The following UTRN variants were observed in gnomAD, a reference collection of about 807,000 sequenced individuals.
UTRN encodes the protein utrophin, also known as dystrophin-related protein 1.
UTRN carries 283 observed loss-of-function variants against 463.9 expected under a neutral mutation model. The ratio of observed to expected loss-of-function variants is 0.61; its 90% CI spans 0.55 to 0.67. The LOEUF (loss-of-function observed/expected upper bound fraction) is 0.67, where lower values mean the gene tolerates loss of function less well. Ranked by LOEUF, UTRN falls within the 30% of genes least tolerant of loss-of-function variation. The pLI, the probability that UTRN is intolerant of heterozygous loss-of-function variation, is 0.00. For synonymous variants in UTRN, 1,442 were observed against 1,431.5 expected, an observed-to-expected ratio of 1.01 and a Z score of -0.17; for missense variants, 3,922 against 4,084.3, an observed-to-expected ratio of 0.96 and a Z score of 1.08.
intron 2 of UTRN, among the ~76,000 whole-genome samples, chr6:144,300,038 C>T (rs191377997): frequency 1.3e-5 from 2 of 151,268 alleles, no homozygotes; most frequent in East Asian, 1.9e-4. Flanking sequence ...CATAGACCAC[C>T]GTAGCATTTT....
intron 25 of UTRN, among the ~76,000 whole-genome samples, chr6:144,477,558 A>ACACG (rs1015482173): frequency 6.6e-6 from 1 of 151,484 alleles, no homozygotes; most frequent in African/African-American, 2.4e-5. Flanking sequence ...ACACACACAC[A>ACACG]CACGCACACA....
chr6:144,693,055 G>C (rs1465256415), intron 52 of UTRN, among the ~76,000 whole-genome samples: 3 of 151,334 alleles, frequency 2.0e-5, no homozygotes, highest in Non-Finnish European at 4.4e-5. Context: ...AATCCATTTT[G>C]AGTTTATTTT....
intron 51 of UTRN, among the ~76,000 whole-genome samples, chr6:144,600,557 A>G (rs555710385): frequency 2.0e-5 from 3 of 152,374 alleles, no homozygotes; most frequent in Non-Finnish European, 2.9e-5. Context: ...CTTCAATTCT[A>G]TGAAGGCTGA....
At chr6:144,644,539 T>C (rs553636784) in intron 51 of UTRN, among the ~76,000 whole-genome samples, 2 of 152,314 alleles carry the variant, frequency 1.3e-5, no homozygotes, top group African/African-American at 4.8e-5. Context: ...AAATATAAAG[T>C]ATATGGAATT....
chr6:144,417,533 G>C (rs1370314154), intron 3 of UTRN, among the ~76,000 whole-genome samples: 1 of 152,110 alleles, frequency 6.6e-6, no homozygotes, highest in East Asian at 1.9e-4. Context: ...ATGATACATA[G>C]TAAATGCTTG....
intron 51 of UTRN, among the ~76,000 whole-genome samples, chr6:144,594,961 A>C (rs1285738588): frequency 6.6e-6 from 1 of 152,200 alleles, no homozygotes. Flanking sequence ...GAGTTTTCTT[A>C]GTACTATCTA....
At chr6:144,647,681 T>C (rs752032808) in intron 51 of UTRN, among the ~76,000 whole-genome samples, 35 of 152,266 alleles carry the variant, frequency 2.3e-4, no homozygotes, top group Non-Finnish European at 4.6e-4. Context: ...AATGCGGGAA[T>C]GTCTCCTATA....
intron 49 of UTRN, among the ~76,000 whole-genome samples, chr6:144,556,533 A>G (rs1271293705): frequency 6.6e-6 from 1 of 152,256 alleles, no homozygotes; most frequent in Non-Finnish European, 1.5e-5. Context: ...AAAGCATTAT[A>G]TTAAAGGTTT....
At chr6:144,685,270 A>G (rs550473386) in intron 52 of UTRN, among the ~76,000 whole-genome samples, 2 of 152,178 alleles carry the variant, frequency 1.3e-5, no homozygotes, top group Admixed American at 1.3e-4. Context: ...TTCCTTATCC[A>G]CTCATGGATT....
intron 67 of UTRN, 101 bp downstream of exon 67, chr6:144,827,487 C>T (rs755325270): frequency 3.4e-5 from 54 of 1,595,340 alleles, no homozygotes; most frequent in Admixed American, 2.5e-4. Flanking sequence ...TTCTGTGTTC[C>T]GGGTAACAAT....
At chr6:144,575,398 A>T (rs1416321714) in intron 50 of UTRN, among the ~76,000 whole-genome samples, 2 of 152,196 alleles carry the variant, frequency 1.3e-5, no homozygotes, top group Admixed American at 6.5e-5. Flanking sequence ...GGACGGATGG[A>T]TGGATGAATG....
intron 52 of UTRN, among the ~76,000 whole-genome samples, chr6:144,692,502 C>G (rs1295147777): frequency 1.3e-5 from 2 of 152,176 alleles, no homozygotes; most frequent in Non-Finnish European, 2.9e-5. Flanking sequence ...AATTTACACT[C>G]CAACCAACAG....
rs1486799756 is a variant in UTRN, at chr6:144,561,313, TACACATATATGTGTGTGTTTATACAC to T, written c.7289+4012_7289+4037del. 6.5e-4 allele frequency among the ~76,000 whole-genome samples: 94 copies of T among 144,776 alleles called. 1 individual carries two copies. The East Asian group carries it at 0.015, about 23-fold the overall frequency. 95.0% of individuals were successfully genotyped at this position (144,776 alleles called of 152,430 possible). A position where few individuals can be genotyped will look rare whatever the true frequency, so the allele number is the denominator to read the frequency against. ...TGTGTAACACACATGTATATATACA[TACACATATATGTGTGTGTTTATACAC>T]ACACATATACACACACATATAACTG... On this transcript the variant is annotated intron_variant, in intron 50 of 74. Transcript: ENST00000367545.
intron 2 of UTRN, among the ~76,000 whole-genome samples, chr6:144,393,050 TTCATC>T (rs1782083793): frequency 6.9e-6 from 1 of 145,418 alleles, no homozygotes; most frequent in African/African-American, 2.6e-5. Context: ...CATCCATCCA[TTCATC>T]CATCCATCCA....
chr6:144,639,293 T>G (rs1777525208), intron 51 of UTRN, among the ~76,000 whole-genome samples: 1 of 152,142 alleles, frequency 6.6e-6, no homozygotes, highest in South Asian at 2.1e-4. Flanking sequence ...TATTGCTACA[T>G]TTGGCCATTT....
chr6:144,525,640 CA>C (rs1262726657), intron 41 of UTRN, among the ~76,000 whole-genome samples: 4 of 147,606 alleles, frequency 2.7e-5, no homozygotes, highest in African/African-American at 1.0e-4. Flanking sequence ...CTTTTTGTTT[CA>C]TTTTTTTTTG....
rs118090885 is a variant in UTRN, at chr6:144,779,280, C to G, written c.8633-2642C>G. Among the ~76,000 whole-genome samples, 1,456 of 152,276 alleles carry G rather than the reference C, an allele frequency of 9.6e-3. 23 individuals carry two copies. The highest frequency in any genetic ancestry group is 0.045 in the South Asian group (218 of 4,816). On this transcript the variant is annotated intron_variant, in intron 60 of 74. Transcript: ENST00000367545. ...TCTGTGGGGAGCTGTAGTTCCCTAG[C>G]TACTGCCCTTTATTAAACACTTTCC...
At chr6:144,319,110 G>A (rs1775468106) in intron 2 of UTRN, among the ~76,000 whole-genome samples, 1 of 150,448 alleles carries the variant, frequency 6.6e-6, no homozygotes, top group Non-Finnish European at 1.5e-5. Context: ...AAATTTTTTT[G>A]AATTAAAGTT....
At chr6:144,645,908 C>T (rs570360594) in intron 51 of UTRN, among the ~76,000 whole-genome samples, 1 of 152,122 alleles carries the variant, frequency 6.6e-6, no homozygotes, top group South Asian at 2.1e-4. Flanking sequence ...ATTCAGTGGT[C>T]CATCACATTG....
Sources: allele counts gnomAD v4.1 joint callset (sites outside exome capture counted in the v4.1 genomes callset), GRCh38; gene constraint gnomAD v4.1.1; transcripts MANE v1.5; gene names NCBI Gene and HGNC (gene_info 2026-07-23, HGNC 2026-07-21).